CDH4: variants seen among roughly 807,000 people sequenced by gnomAD.
The protein encoded by CDH4 is cadherin 4.
CDH4 carries 33 observed loss-of-function variants against 86.0 expected under a neutral mutation model. The observed-to-expected ratio is 0.38, with a 90% CI of 0.29 to 0.51. The LOEUF (loss-of-function observed/expected upper bound fraction) is 0.51, where lower values mean the gene tolerates loss of function less well. CDH4 is among the 20% of genes least tolerant of loss of function. CDH4 has a pLI of 0.86. For synonymous variants in CDH4, 555 were observed against 549.4 expected, an observed-to-expected ratio of 1.01 and a Z score of -0.14; for missense variants, 1,114 against 1,307.4, an observed-to-expected ratio of 0.85 and a Z score of 2.28.
chr20:61,254,894 A>T lies in CDH4; in HGVS notation c.126A>T (p.Ala42=). Residue 42 remains alanine, a synonymous_variant, in exon 2 of 16, where the codon GCA becomes GCT. Coordinates refer to ENST00000614565, the MANE Select transcript of CDH4 (RefSeq NM_001794.5). ...GGTTCTCTGAAGATGATTACACGGC[A>T]TTAATCTCCCAAAATATTCTAGAAG... ...KAGFSEDDYT[A]LISQNILEGE... 6.2e-7 allele frequency: 1 copy of T among 1,613,390 alleles called. No individual in the cohort carries two copies. Among genetic ancestry groups the T allele is most frequent in the South Asian group, 1.1e-5 (1 of 91,064 alleles).
At chr20:61,347,785 C>T (rs545133299) in intron 2 of CDH4, among the ~76,000 whole-genome samples, 46 of 152,310 alleles carry the variant, frequency 3.0e-4, no homozygotes, top group African/African-American at 1.1e-3. Context: ...CCTGGTTCGG[C>T]ACGGGACATT....
chr20:61,332,291 T>G (rs1173786895), intron 2 of CDH4, among the ~76,000 whole-genome samples: 1 of 152,190 alleles, frequency 6.6e-6, no homozygotes, highest in African/African-American at 2.4e-5. Flanking sequence ...AAGGTCTCTG[T>G]GGCTATGGAT....
chr20:61,644,213 G>C (rs6121738), intron 2 of CDH4, among the ~76,000 whole-genome samples: 3,030 of 152,324 alleles, frequency 0.02, 99 homozygotes, highest in African/African-American at 0.069. Flanking sequence ...GGCAGGCCAA[G>C]GTCAAGGCTC....
At chr20:61,755,432 C>T (rs547116646) in intron 3 of CDH4, among the ~76,000 whole-genome samples, 8 of 148,394 alleles carry the variant, frequency 5.4e-5, no homozygotes, top group Admixed American at 2.7e-4. Context: ...GTGCACGTCA[C>T]ACACCACACA....
intron 2 of CDH4, among the ~76,000 whole-genome samples, chr20:61,308,455 A>G (rs1057008079): frequency 1.3e-5 from 2 of 152,172 alleles, no homozygotes; most frequent in African/African-American, 4.8e-5. Flanking sequence ...TTCTCATTGC[A>G]CTGTGCAGGA....
intron 2 of CDH4, among the ~76,000 whole-genome samples, chr20:61,515,877 GCTCT>G (rs887401065): frequency 6.6e-6 from 1 of 152,018 alleles, no homozygotes; most frequent in African/African-American, 2.4e-5. Flanking sequence ...TTGCTCGCTC[GCTCT>G]CTGTTTCCCG....
chr20:61,431,109 C>T (rs112773258), intron 2 of CDH4, among the ~76,000 whole-genome samples: 3,068 of 152,316 alleles, frequency 0.02, 105 homozygotes, highest in African/African-American at 0.069. Flanking sequence ...CAGCGCAGCA[C>T]GCACAGATCC....
intron 3 of CDH4, among the ~76,000 whole-genome samples, chr20:61,747,112 A>C (rs964377439): frequency 3.9e-5 from 6 of 152,204 alleles, no homozygotes; most frequent in African/African-American, 1.4e-4. Flanking sequence ...GGGACAAGAC[A>C]TAGAAAGAAC....
At chr20:61,746,012 G>C (rs1293260170) in intron 3 of CDH4, among the ~76,000 whole-genome samples, 1 of 152,226 alleles carries the variant, frequency 6.6e-6, no homozygotes, top group South Asian at 2.1e-4. Flanking sequence ...GGTGCAGGAA[G>C]CACCCAACCA....
intron 3 of CDH4, among the ~76,000 whole-genome samples, chr20:61,768,190 TACACACAC>T (rs375855009): frequency 6.6e-6 from 1 of 151,912 alleles, no homozygotes; most frequent in Non-Finnish European, 1.5e-5. Context: ...ATGTGCTCTA[TACACACAC>T]ACACAGACAC....
chr20:61,898,730 C>T (rs375061197), intron 8 of CDH4, among the ~76,000 whole-genome samples: 28 of 152,322 alleles, frequency 1.8e-4, no homozygotes, highest in African/African-American at 6.3e-4. Flanking sequence ...GATTTTATCC[C>T]GGCTTTCCAC....
At position 61,252,670 on chromosome 20, in the gene CDH4, C is replaced by T. The variant is rs2084069119; in HGVS notation, c.57+100C>T. On this transcript the variant is annotated intron_variant, in intron 1 of 15. Coordinates refer to ENST00000614565, the MANE Select transcript of CDH4 (RefSeq NM_001794.5). This position sits in a 1 kb window ranked among gnomAD's most constrained non-coding sequence, Gnocchi z 4.4. The stretch of plus-strand genomic sequence containing the variant: ...GCTCACACACCCGGCGGGGCTCTCC[C>T]GGGCTCCCCCGCCGCGCTCCCCGCT... 1.6e-6 allele frequency: 1 copy of T among 625,078 alleles called. No homozygotes were observed. The highest frequency in any genetic ancestry group is 4.3e-5 in the East Asian group (1 of 23,376). 38.7% of individuals were successfully genotyped at this position (625,078 alleles called of 1,614,324 possible). A position where few individuals can be genotyped will look rare whatever the true frequency, so the allele number is the denominator to read the frequency against.
rs1038786488 is a variant in CDH4, at chr20:61,811,653, C to G, written c.577-33015C>G. ...CACCCGGGGTCACGCCCCTGCCACC[C>G]GGGGTCACGCCCCTGGCTGCCTACT... On this transcript the variant is annotated intron_variant, in intron 4 of 15. Transcript: ENST00000614565. This position sits in a 1 kb window ranked among gnomAD's most constrained non-coding sequence, Gnocchi z 4.4. Among the ~76,000 whole-genome samples the G allele has an allele frequency of 6.6e-6, 1 of 151,022 alleles. No homozygotes were observed. The highest frequency in any genetic ancestry group is 1.5e-5 in the Non-Finnish European group (1 of 67,816).
intron 2 of CDH4, among the ~76,000 whole-genome samples, chr20:61,592,166 G>C (rs1023083579): frequency 6.6e-6 from 1 of 151,920 alleles, no homozygotes; most frequent in African/African-American, 2.4e-5. Flanking sequence ...ATTTACTTTG[G>C]TGTGAGTTTG....
intron 2 of CDH4, among the ~76,000 whole-genome samples, chr20:61,630,129 G>A (rs964934275): frequency 5.3e-5 from 8 of 152,192 alleles, no homozygotes; most frequent in South Asian, 2.1e-4. Context: ...AGCAGTGCTC[G>A]GAGGCAAATC....
At chr20:61,742,017 G>A (rs1321182183) in intron 2 of CDH4, among the ~76,000 whole-genome samples, 4 of 152,136 alleles carry the variant, frequency 2.6e-5, no homozygotes, top group Non-Finnish European at 5.9e-5. Context: ...ATCTTTGTCA[G>A]TGACAATCAG....
chr20:61,661,837 G>T (rs935017251), intron 2 of CDH4, among the ~76,000 whole-genome samples: 1 of 152,088 alleles, frequency 6.6e-6, no homozygotes, highest in African/African-American at 2.4e-5. Context: ...GGTGCGGAGG[G>T]TGGGTGCGCC....
intron 2 of CDH4, among the ~76,000 whole-genome samples, chr20:61,637,795 C>T (rs547290579): frequency 1.1e-4 from 16 of 151,976 alleles, no homozygotes; most frequent in Non-Finnish European, 2.1e-4. Flanking sequence ...CGGAGGCGGG[C>T]GGATCACCTG....
intron 2 of CDH4, among the ~76,000 whole-genome samples, chr20:61,535,215 A>G (rs57286030): frequency 0.15 from 23,379 of 152,178 alleles, 2,100 homozygotes; most frequent in East Asian, 0.45. Flanking sequence ...GAGGCTCAGA[A>G]GTGCGACCTG....
Sources: gnomAD v4.1 joint callset for allele counts (sites outside exome capture counted in the v4.1 genomes callset) on GRCh38, gnomAD v4.1.1 for gene constraint, Gnocchi (gnomAD v3.1) non-coding constraint, MANE v1.5 for transcripts, NCBI Gene and HGNC (gene_info 2026-07-23, HGNC 2026-07-21) for gene names.